AGO2: variants seen among roughly 807,000 people sequenced by gnomAD.
AGO2 encodes argonaute RISC catalytic component 2.
Under a neutral mutation model 102.3 loss-of-function variants are expected in AGO2, and 5 were observed. The ratio of observed to expected loss-of-function variants is 0.05; its 90% CI spans 0.03 to 0.10. The LOEUF is 0.10. AGO2 is among the 10% of genes least tolerant of loss of function. The pLI is 1.00. For synonymous variants in AGO2, 449 were observed against 473.1 expected, an observed-to-expected ratio of 0.95 and a Z score of 0.66; for missense variants, 541 against 1,183.7, an observed-to-expected ratio of 0.46 and a Z score of 7.97.
intron 2 of AGO2, among the ~76,000 whole-genome samples, chr8:140,574,053 C>T (rs2073426535): frequency 6.6e-6 from 1 of 152,142 alleles, no homozygotes; most frequent in African/African-American, 2.4e-5. Context: ...CTCAGGCATT[C>T]CAATGGCAGA....
At chr8:140,580,824 G>A (rs376500157) in intron 2 of AGO2, among the ~76,000 whole-genome samples, 1 of 152,356 alleles carries the variant, frequency 6.6e-6, no homozygotes, top group East Asian at 1.9e-4. Flanking sequence ...CGTCTAGGCA[G>A]CCACTCTCAA....
intron 10 of AGO2, among the ~76,000 whole-genome samples, chr8:140,554,376 AC>A (rs200857061): frequency 1.3e-5 from 2 of 151,708 alleles, no homozygotes; most frequent in African/African-American, 2.4e-5. Flanking sequence ...AGGGACACAG[AC>A]CCCCCCACGT....
chr8:140,547,448 G>A lies in AGO2; in HGVS notation c.1748+20C>T, dbSNP rs1253364944. ...ACTGTGCCCTGGTCCGCAGGCGGAG[G>A]TAAAGGGGCCGGGCCTCACCTGCCC... On this transcript the variant is annotated intron_variant, in intron 13 of 18. Transcript: ENST00000220592. 2 of 1,611,434 alleles carry A rather than the reference G, an allele frequency of 1.2e-6. No individual in the cohort carries two copies. The highest frequency in any genetic ancestry group is 1.1e-5 in the South Asian group (1 of 90,776).
rs754895043 is a variant in AGO2 at position 140,539,709 on chromosome 8, G to T, written c.2035-255C>A. Among the ~76,000 whole-genome samples the T allele has an allele frequency of 6.6e-6, 1 of 152,260 alleles. No individual in the cohort carries two copies. The highest frequency in any genetic ancestry group is 1.5e-5 in the Non-Finnish European group (1 of 68,040). On this transcript the variant is annotated intron_variant, in intron 15 of 18. Coordinates refer to ENST00000220592, the MANE Select transcript of AGO2 (RefSeq NM_012154.5). This position sits in a 1 kb window ranked among gnomAD's most constrained non-coding sequence, Gnocchi z 4.7. ...GGAGGGCCCAGGAGGTTGTGTGTGTGCAAGGGGCGCAGCCAACGCCAGGGA... is the reference window on the plus strand; with the variant it reads ...GGAGGGCCCAGGAGGTTGTGTGTGTTCAAGGGGCGCAGCCAACGCCAGGGA...
chr8:140,620,481 C>T (rs2074204622), intron 1 of AGO2, among the ~76,000 whole-genome samples: 1 of 152,190 alleles, frequency 6.6e-6, no homozygotes, highest in Non-Finnish European at 1.5e-5. Context: ...GAGAGGAGGA[C>T]AGGATGAGTG....
upstream of AGO2, chr8:140,637,088 G>C (rs1299260528): frequency 6.6e-6 from 1 of 152,310 alleles, no homozygotes; most frequent in Non-Finnish European, 1.5e-5. Context: ...GGGGATTTGG[G>C]GGTGCCAGGC....
At chr8:140,624,176 C>T (rs968653140) in intron 1 of AGO2, among the ~76,000 whole-genome samples, 7 of 152,116 alleles carry the variant, frequency 4.6e-5, no homozygotes, top group Non-Finnish European at 5.9e-5. Context: ...CTCCGAAGAG[C>T]CCCCACCCAG....
intron 1 of AGO2, among the ~76,000 whole-genome samples, chr8:140,595,802 T>C (rs866574952): frequency 0.012 from 365 of 31,394 alleles, 9 homozygotes; most frequent in African/African-American, 0.023. Context: ...TTATATTATA[T>C]ACAATTGTAT....
rs748327542 is a variant in AGO2 at position 140,527,827 on chromosome 8, C to T, written c.*4217G>A. 2.6e-5 allele frequency: 4 copies of T among 152,168 alleles called. No homozygotes were observed. Among genetic ancestry groups the T allele is most frequent in the Non-Finnish European group, 4.4e-5 (3 of 68,046 alleles). 9.4% of individuals were successfully genotyped at this position (152,168 alleles called of 1,614,324 possible). On this transcript the variant is annotated 3_prime_UTR_variant, in exon 19 of 19. Coordinates refer to ENST00000220592, the MANE Select transcript of AGO2 (RefSeq NM_012154.5). The surrounding 1 kb of genome is among the most constrained non-coding windows in gnomAD (Gnocchi z 6.0). ...GGATTGTCCACTGTCTGGATTATGT[C>T]GACTTCTAAAGCTCCTCCTAATGGA...
intron 1 of AGO2, among the ~76,000 whole-genome samples, chr8:140,628,321 T>A (rs764245874): frequency 6.6e-6 from 1 of 152,156 alleles, no homozygotes; most frequent in Non-Finnish European, 1.5e-5. Flanking sequence ...CCCACGTGTG[T>A]GAGGCCCCAG....
At chr8:140,577,742 G>A (rs1481223284) in intron 2 of AGO2, among the ~76,000 whole-genome samples, 2 of 150,556 alleles carry the variant, frequency 1.3e-5, no homozygotes, top group Admixed American at 7.2e-5. Flanking sequence ...ACTTATGGCA[G>A]GCAACCACAC....
chr8:140,571,470 C>T (rs1222567523), intron 3 of AGO2, among the ~76,000 whole-genome samples: 1 of 152,198 alleles, frequency 6.6e-6, no homozygotes, highest in East Asian at 1.9e-4. Context: ...TGCTTTCCAG[C>T]CTGGGCGACA....
chr8:140,563,663 C>T (rs987061467), intron 3 of AGO2, among the ~76,000 whole-genome samples: 2 of 152,252 alleles, frequency 1.3e-5, no homozygotes, highest in Non-Finnish European at 2.9e-5. Flanking sequence ...ATGTGTGATG[C>T]CAGGGTCCCA....
At position 140,562,617 on chromosome 8, in the gene AGO2, C is replaced by A. The variant is rs377556379; in HGVS notation, c.354G>T (p.Thr118=). The part of the protein sequence containing the change: ...IGRDKVELEV[T]LPGEGKDRIF... ...TGCGATCCTTGCCTTCTCCTGGCAGCGTGACCTCCAGCTCCACCTGCGAGG... is the reference window on the plus strand; with the variant it reads ...TGCGATCCTTGCCTTCTCCTGGCAGAGTGACCTCCAGCTCCACCTGCGAGG... Residue 118 remains threonine (T), a synonymous_variant, in exon 4 of 19, where the codon ACG becomes ACT. Transcript: ENST00000220592. 3.1e-6 allele frequency: 5 copies of A among 1,613,492 alleles called. No homozygotes were observed. The highest frequency in any genetic ancestry group is 4.2e-6 in the Non-Finnish European group (5 of 1,179,882).
intron 1 of AGO2, among the ~76,000 whole-genome samples, chr8:140,627,624 T>C (rs1243556455): frequency 1.3e-5 from 2 of 152,228 alleles, no homozygotes; most frequent in African/African-American, 4.8e-5. Context: ...TGGCTGTTTC[T>C]AAGCCTTGCT....
chr8:140,609,868 CG>C (rs2074052930), intron 1 of AGO2, among the ~76,000 whole-genome samples: 1 of 151,388 alleles, frequency 6.6e-6, no homozygotes, highest in Admixed American at 6.6e-5. Context: ...TGGCCAGGCA[CG>C]GGGGCTCACA....
At chr8:140,580,812 T>C (rs897180337) in intron 2 of AGO2, among the ~76,000 whole-genome samples, 1 of 152,246 alleles carries the variant, frequency 6.6e-6, no homozygotes, top group African/African-American at 2.4e-5. Flanking sequence ...TAAAGGTTCC[T>C]CCGTCTAGGC....
chr8:140,601,449 G>A (rs1159256627), intron 1 of AGO2, among the ~76,000 whole-genome samples: 6 of 152,204 alleles, frequency 3.9e-5, no homozygotes, highest in East Asian at 1.9e-4. Context: ...ACACCCCAAA[G>A]AGAAATGTCT....
intron 1 of AGO2, chr8:140,593,201 AC>A (rs988515708): frequency 1.3e-5 from 2 of 149,802 alleles, no homozygotes; most frequent in African/African-American, 4.9e-5. Context: ...ATAGACCAAA[AC>A]TTTTTTTTTG....
Sources: gnomAD v4.1 joint callset for allele counts (sites outside exome capture counted in the v4.1 genomes callset) on GRCh38, gnomAD v4.1.1 for gene constraint, Gnocchi (gnomAD v3.1) non-coding constraint, MANE v1.5 for transcripts, NCBI Gene and HGNC (gene_info 2026-07-23, HGNC 2026-07-21) for gene names.